The following RPH3AL variants were observed in gnomAD, a reference collection of about 807,000 sequenced individuals.
RPH3AL encodes rabphilin 3A like (without C2 domains), also known as rab effector Noc2.
A neutral mutation model predicts 43.1 loss-of-function variants in RPH3AL; 38 were observed. The observed-to-expected ratio is 0.88, with a 90% CI of 0.68 to 1.15. The LOEUF (loss-of-function observed/expected upper bound fraction) is 1.15, where lower values mean the gene tolerates loss of function less well. Among genes scored for constraint, RPH3AL ranks in the 50% most tolerant of loss-of-function variants. The pLI, the probability that RPH3AL is intolerant of heterozygous loss-of-function variation, is 0.00. For missense variants in RPH3AL, 462 were observed against 423.2 expected (o/e 1.09, Z -0.81); for synonymous variants, 189 against 176.3 (o/e 1.07, Z -0.57).
intron 2 of RPH3AL, among the ~76,000 whole-genome samples, chr17:330,682 C>A (rs572924280): frequency 6.6e-6 from 1 of 152,194 alleles, no homozygotes; most frequent in East Asian, 1.9e-4. Flanking sequence ...TTGAGACCAG[C>A]CTGGGCAACA....
intron 6 of RPH3AL, among the ~76,000 whole-genome samples, chr17:266,604 T>C (rs1219987949): frequency 6.6e-6 from 1 of 152,204 alleles, no homozygotes; most frequent in African/African-American, 2.4e-5. Context: ...GAGCACAGCT[T>C]TCTCCAGAGC....
chr17:263,925 G>A (rs1285901885), intron 6 of RPH3AL, among the ~76,000 whole-genome samples: 2 of 152,164 alleles, frequency 1.3e-5, no homozygotes, highest in African/African-American at 4.8e-5. Context: ...TTTCAAGGGG[G>A]AACCAAAGTT....
At chr17:340,247 C>A (rs1276544048) in intron 1 of RPH3AL, among the ~76,000 whole-genome samples, 1 of 152,040 alleles carries the variant, frequency 6.6e-6, no homozygotes, top group African/African-American at 2.4e-5. Flanking sequence ...GGGTCCTCAG[C>A]TGGGAGTTCA....
rs78929896 is a variant in RPH3AL at position 314,018 on chromosome 17, G to A, written c.351+5402C>T. Among the ~76,000 whole-genome samples, 770 of 152,234 alleles carry A rather than the reference G, an allele frequency of 5.1e-3. 8 individuals are homozygous for A. Among genetic ancestry groups the A allele is most frequent in the African/African-American group, 0.017 (693 of 41,540 alleles). ...ACCAAGAACCATCTGCAACAGAAAC[G>A]CCCGGACCAGCCCACAGCTCCAGAG... On this transcript the variant is annotated intron_variant, in intron 5 of 9. Transcript: ENST00000331302.
intron 7 of RPH3AL, among the ~76,000 whole-genome samples, chr17:226,715 A>T (rs1408354618): frequency 3.3e-5 from 5 of 152,212 alleles, no homozygotes; most frequent in African/African-American, 7.2e-5. Flanking sequence ...ATGTCACCGT[A>T]AAACTCAAAC....
At chr17:318,069 A>G (rs1877489283) in intron 5 of RPH3AL, among the ~76,000 whole-genome samples, 4 of 152,252 alleles carry the variant, frequency 2.6e-5, no homozygotes, top group East Asian at 3.9e-4. Flanking sequence ...CTTCTTCAGT[A>G]TAATAACTCC....
intron 5 of RPH3AL, among the ~76,000 whole-genome samples, chr17:305,427 C>T: frequency 6.6e-6 from 1 of 152,082 alleles, no homozygotes; most frequent in East Asian, 1.9e-4. Context: ...CTACTCCACC[C>T]TGGAGGCCCA....
At position 274,207 on chromosome 17, in the gene RPH3AL, C is replaced by T. The variant is rs192036297; in HGVS notation, c.438+7561G>A. On this transcript the variant is annotated intron_variant, in intron 6 of 9. Coordinates refer to ENST00000331302, the MANE Select transcript of RPH3AL (RefSeq NM_006987.4). This position sits in a 1 kb window ranked among gnomAD's most constrained non-coding sequence, Gnocchi z 4.7. ...CCCAACTAACGCACCCATGAAAGCA[C>T]GTGGAAAAGGCACCGCGAAACCCCA... Among the ~76,000 whole-genome samples, 18 of 152,362 alleles carry T rather than the reference C, an allele frequency of 1.2e-4. No homozygotes were observed. The highest frequency in any genetic ancestry group is 9.8e-4 in the Admixed American group (15 of 15,308).
rs922387390 is a variant in RPH3AL, at chr17:274,022, A to G, written c.438+7746T>C. 6.6e-6 allele frequency among the ~76,000 whole-genome samples: 1 copy of G among 152,216 alleles called. No homozygotes were observed. Among genetic ancestry groups the G allele is most frequent in the African/African-American group, 2.4e-5 (1 of 41,448 alleles). The stretch of plus-strand genomic sequence containing the variant: ...TGGTTTGCAGAATCCTGGGGAATCT[A>G]GATTCCAGTGAACTTTTCTACTGAT... On this transcript the variant is annotated intron_variant, in intron 6 of 9. Transcript: ENST00000331302. This position sits in a 1 kb window ranked among gnomAD's most constrained non-coding sequence, Gnocchi z 4.7.
intron 6 of RPH3AL, among the ~76,000 whole-genome samples, chr17:265,101 CTTT>C (rs1484859947): frequency 2.0e-5 from 3 of 152,102 alleles, no homozygotes; most frequent in Non-Finnish European, 2.9e-5. Flanking sequence ...ATTTTTTCTT[CTTT>C]GAGACAGGGC....
intron 5 of RPH3AL, among the ~76,000 whole-genome samples, chr17:301,984 AC>A (rs1567628179): frequency 1.3e-5 from 2 of 152,068 alleles, no homozygotes; most frequent in Admixed American, 6.5e-5. Context: ...TCTCAGAAGC[AC>A]CCCCACCCTG....
chr17:275,298 T>G (rs1016214154), intron 6 of RPH3AL, among the ~76,000 whole-genome samples: 1 of 146,228 alleles, frequency 6.8e-6, no homozygotes, highest in Non-Finnish European at 1.5e-5. Context: ...AATGGATAAA[T>G]AGGTACGTAT....
chr17:286,180 A>G (rs1238881289), intron 5 of RPH3AL, among the ~76,000 whole-genome samples: 1 of 152,104 alleles, frequency 6.6e-6, no homozygotes, highest in African/African-American at 2.4e-5. Context: ...CCTGTCCTCT[A>G]CTCACAGACC....
At chr17:337,400 C>T (rs942947083) in intron 1 of RPH3AL, among the ~76,000 whole-genome samples, 8 of 152,188 alleles carry the variant, frequency 5.3e-5, no homozygotes, top group African/African-American at 1.9e-4. Context: ...GACACCCAGC[C>T]TGCCAACAAA....
chr17:296,918 T>C (rs1303010368), intron 5 of RPH3AL, among the ~76,000 whole-genome samples: 1 of 152,110 alleles, frequency 6.6e-6, no homozygotes, highest in Admixed American at 6.5e-5. Flanking sequence ...AATCATCCCC[T>C]TCAAGCATCC....
chr17:315,178 C>CCTGTAGTCTCTGTGCTCCACCTCCATTG (rs2043923313), intron 5 of RPH3AL, among the ~76,000 whole-genome samples: 1 of 8,456 alleles, frequency 1.2e-4, no homozygotes, highest in African/African-American at 4.7e-4. Flanking sequence ...CACCTCCATT[C>CCTGTAGTCTCTGTGCTCCACCTCCATTG]ACCTGTAGTC....
chr17:263,577 G>C (rs1267385306), intron 6 of RPH3AL, among the ~76,000 whole-genome samples: 1 of 152,216 alleles, frequency 6.6e-6, no homozygotes, highest in Non-Finnish European at 1.5e-5. Context: ...AAATTAAAAT[G>C]TAACAGATTG....
chr17:315,158 C>A (rs796884336), intron 5 of RPH3AL, among the ~76,000 whole-genome samples: 3 of 143,424 alleles, frequency 2.1e-5, no homozygotes, highest in Admixed American at 6.9e-5. Flanking sequence ...ACCTGTAGTC[C>A]CTGTGCCCCC....
chr17:275,633 G>A (rs918132639), intron 6 of RPH3AL, among the ~76,000 whole-genome samples: 1 of 152,100 alleles, frequency 6.6e-6, no homozygotes, highest in Admixed American at 6.6e-5. Context: ...CCGCAGCCTC[G>A]ACCTCTGGGG....
Sources: gnomAD v4.1 joint callset for allele counts (sites outside exome capture counted in the v4.1 genomes callset) on GRCh38, gnomAD v4.1.1 for gene constraint, Gnocchi (gnomAD v3.1) non-coding constraint, MANE v1.5 for transcripts, NCBI Gene and HGNC (gene_info 2026-07-23, HGNC 2026-07-21) for gene names.